DSCAM: variants seen among roughly 807,000 people sequenced by gnomAD.
DSCAM encodes DS cell adhesion molecule.
In DSCAM, 47 loss-of-function variants were observed where a neutral mutation model predicts 217.7. The ratio of observed to expected loss-of-function variants is 0.22; its 90% CI spans 0.17 to 0.28. DSCAM has a LOEUF of 0.28. DSCAM is among the 10% of genes least tolerant of loss of function. DSCAM has a pLI of 1.00. For synonymous variants in DSCAM, 1,056 were observed against 1,015.3 expected, an observed-to-expected ratio of 1.04 and a Z score of -0.76; for missense variants, 2,080 against 2,618.3, an observed-to-expected ratio of 0.79 and a Z score of 4.49.
At chr21:40,779,957 A>C (rs1436139888) in intron 1 of DSCAM, among the ~76,000 whole-genome samples, 2 of 152,212 alleles carry the variant, frequency 1.3e-5, no homozygotes, top group South Asian at 2.1e-4. Context: ...GGGAAGGAAA[A>C]AACAGACACC....
At chr21:40,604,824 T>G (rs1048171090) in intron 3 of DSCAM, among the ~76,000 whole-genome samples, 7 of 152,188 alleles carry the variant, frequency 4.6e-5, no homozygotes, top group African/African-American at 1.7e-4. Context: ...CCCAAGTCCC[T>G]GGATTGTGAC....
chr21:40,698,883 A>G (rs538475828), intron 2 of DSCAM, among the ~76,000 whole-genome samples: 11,738 of 150,514 alleles, frequency 0.078, 520 homozygotes, highest in Middle Eastern at 0.14. Context: ...AAAAAAAAAA[A>G]AAAAAAAAAA....
chr21:40,722,758 T>TA (rs1323860322), intron 1 of DSCAM, among the ~76,000 whole-genome samples: 1 of 151,848 alleles, frequency 6.6e-6, no homozygotes, highest in Non-Finnish European at 1.5e-5. Flanking sequence ...AAAAAATAAA[T>TA]ACCTAACTAT....
At chr21:40,639,550 A>C (rs1261689050) in intron 3 of DSCAM, among the ~76,000 whole-genome samples, 1 of 152,252 alleles carries the variant, frequency 6.6e-6, no homozygotes, top group Non-Finnish European at 1.5e-5. Flanking sequence ...AAATCAGTAC[A>C]TATAGAATGA....
At chr21:40,252,055 C>T (rs2073312044) in intron 11 of DSCAM, among the ~76,000 whole-genome samples, 1 of 152,102 alleles carries the variant, frequency 6.6e-6, no homozygotes, top group African/African-American at 2.4e-5. Flanking sequence ...GAGACCTAAG[C>T]CATGGCTACT....
chr21:40,302,538 A>G (rs57108956), intron 9 of DSCAM, among the ~76,000 whole-genome samples: 34,662 of 152,086 alleles, frequency 0.23, 7,444 homozygotes, highest in African/African-American at 0.56. Context: ...TTTTTCTGGT[A>G]GGGAGGAAGA....
Position 40,014,571 on chromosome 21 carries a change from G to A in DSCAM, c.5687-1185C>T, listed in dbSNP as rs568389917. ...AGGATCTCCCTAACAGGCATCCTTT[G>A]CTCAGGGATACCCCATCAGCCTCAC... On this transcript the variant is annotated intron_variant, in intron 32 of 32. Coordinates refer to ENST00000400454, the MANE Select transcript of DSCAM (RefSeq NM_001389.5). Among the ~76,000 whole-genome samples, 25 of 152,260 alleles carry A rather than the reference G, an allele frequency of 1.6e-4. 1 individual carries two copies. The South Asian group carries it at 5.0e-3, about 30-fold the overall frequency.
At chr21:40,595,541 CCCAGCCAAG>C (rs2077015258) in intron 3 of DSCAM, among the ~76,000 whole-genome samples, 9 of 68,138 alleles carry the variant, frequency 1.3e-4, no homozygotes, top group African/African-American at 4.2e-4. Context: ...TGCTTAAAGG[CCCAGCCAAG>C]CTCTGCCCTG....
At chr21:40,106,229 C>T (rs974085367) in intron 20 of DSCAM, among the ~76,000 whole-genome samples, 1 of 152,102 alleles carries the variant, frequency 6.6e-6, no homozygotes, top group African/African-American at 2.4e-5. Flanking sequence ...CAGGAAAATC[C>T]GCCCCCATGA....
At chr21:40,214,388 T>G (rs1281164147) in intron 11 of DSCAM, among the ~76,000 whole-genome samples, 1 of 152,204 alleles carries the variant, frequency 6.6e-6, no homozygotes, top group Non-Finnish European at 1.5e-5. Context: ...TAAAGAAAGA[T>G]TCTGTGCTGA....
intron 1 of DSCAM, among the ~76,000 whole-genome samples, chr21:40,829,683 G>C (rs1439648836): frequency 2.0e-5 from 3 of 152,158 alleles, no homozygotes; most frequent in Non-Finnish European, 4.4e-5. Context: ...GTCACCTAGT[G>C]TTGTCTGCTG....
chr21:40,485,546 C>T (rs1017463820), intron 3 of DSCAM, among the ~76,000 whole-genome samples: 1 of 152,056 alleles, frequency 6.6e-6, no homozygotes, highest in East Asian at 1.9e-4. Flanking sequence ...CCGGCCCACA[C>T]TGACTTTCTA....
At chr21:40,298,567 C>G (rs542603424) in intron 9 of DSCAM, among the ~76,000 whole-genome samples, 235 of 152,134 alleles carry the variant, frequency 1.5e-3, no homozygotes, top group Non-Finnish European at 2.3e-3. Flanking sequence ...ATGACTATCT[C>G]TGAGTGAGGA....
chr21:40,734,230 C>G (rs2091040822), intron 1 of DSCAM, among the ~76,000 whole-genome samples: 1 of 152,048 alleles, frequency 6.6e-6, no homozygotes, highest in Non-Finnish European at 1.5e-5. Flanking sequence ...GAAATTTTCA[C>G]CTGAAGCTTT....
intron 1 of DSCAM, among the ~76,000 whole-genome samples, chr21:40,846,401 T>C (rs1482748208): frequency 1.3e-5 from 2 of 151,968 alleles, no homozygotes; most frequent in African/African-American, 4.8e-5. Context: ...CTTCCAATGA[T>C]TACAGAGCAA....
intron 10 of DSCAM, among the ~76,000 whole-genome samples, chr21:40,295,466 T>C (rs990923827): frequency 3.3e-5 from 5 of 152,148 alleles, no homozygotes; most frequent in African/African-American, 2.4e-5. Context: ...CTGTTCTGCA[T>C]TAGAAGAGGA....
intron 3 of DSCAM, among the ~76,000 whole-genome samples, chr21:40,681,291 T>TC (rs2090397704): frequency 6.6e-6 from 1 of 152,120 alleles, no homozygotes. Flanking sequence ...CTGGATCCTG[T>TC]CCCCTACTGG....
chr21:40,820,178 C>CTA (rs1362636396), intron 1 of DSCAM, among the ~76,000 whole-genome samples: 2 of 152,000 alleles, frequency 1.3e-5, no homozygotes, highest in Non-Finnish European at 2.9e-5. Flanking sequence ...TATTACAGCA[C>CTA]TATATATAAT....
intron 11 of DSCAM, among the ~76,000 whole-genome samples, chr21:40,254,579 G>C (rs2073346763): frequency 6.6e-6 from 1 of 152,138 alleles, no homozygotes; most frequent in African/African-American, 2.4e-5. Context: ...TTAACACACA[G>C]AATCAAGGTG....
Sources: gnomAD v4.1 joint callset for allele counts (sites outside exome capture counted in the v4.1 genomes callset) on GRCh38, gnomAD v4.1.1 for gene constraint, MANE v1.5 for transcripts, NCBI Gene and HGNC (gene_info 2026-07-23, HGNC 2026-07-21) for gene names.